Variants in MSANTD3 observed in about 807,000 individuals in gnomAD.
MSANTD3 encodes myb/SANT-like DNA-binding domain-containing protein 3.
In MSANTD3, 11 loss-of-function variants were observed where a neutral mutation model predicts 27.7. The ratio of observed to expected loss-of-function variants is 0.40; its 90% confidence interval spans 0.25 to 0.66. The LOEUF is 0.66. Among genes scored for constraint, MSANTD3 ranks in the 30% least tolerant of loss-of-function variants. The pLI is 0.41. For missense variants in MSANTD3, 250 were observed against 336.5 expected (o/e 0.74, Z 2.01); for synonymous variants, 131 against 127.2 (o/e 1.03, Z -0.20).
chr9:100,432,990 G>A (rs1428732700), intron 1 of MSANTD3, among the ~76,000 whole-genome samples: 2 of 152,222 alleles, frequency 1.3e-5, no homozygotes, highest in East Asian at 1.9e-4. Flanking sequence ...TAAAGAAGAC[G>A]TGCCAAGACA....
intron 1 of MSANTD3, among the ~76,000 whole-genome samples, chr9:100,435,526 A>G (rs1463879696): frequency 6.6e-6 from 1 of 152,210 alleles, no homozygotes; most frequent in Non-Finnish European, 1.5e-5. Context: ...ATAAAATACC[A>G]CAGATTGTGT....
chr9:100,449,519 G>A (rs1240784801), intron 2 of MSANTD3, among the ~76,000 whole-genome samples: 1 of 152,140 alleles, frequency 6.6e-6, no homozygotes, highest in African/African-American at 2.4e-5. Flanking sequence ...AGGAGTTGGG[G>A]TGAGGTTAAA....
intron 2 of MSANTD3, among the ~76,000 whole-genome samples, chr9:100,442,725 CTT>C (rs1836657678): frequency 1.3e-5 from 2 of 149,740 alleles, no homozygotes; most frequent in Admixed American, 6.7e-5. Flanking sequence ...TGGAGGATAA[CTT>C]GAGCCCAGGA....
chr9:100,428,567 G>A (rs528103683), intron 1 of MSANTD3, among the ~76,000 whole-genome samples: 3 of 152,180 alleles, frequency 2.0e-5, no homozygotes, highest in African/African-American at 4.8e-5. Context: ...CATCCCTCCC[G>A]TAGAGACCCG....
intron 2 of MSANTD3, among the ~76,000 whole-genome samples, chr9:100,447,254 A>C (rs1836776509): frequency 6.6e-6 from 1 of 152,156 alleles, no homozygotes; most frequent in Admixed American, 6.5e-5. Context: ...TCCCATCTGA[A>C]CAGTAGTTTC....
intron 1 of MSANTD3, among the ~76,000 whole-genome samples, chr9:100,431,710 G>A (rs1189932064): frequency 6.6e-6 from 1 of 152,170 alleles, no homozygotes; most frequent in Admixed American, 6.5e-5. Context: ...GTCAGATAGG[G>A]AGAGCCTTCA....
At chr9:100,433,978 CT>C (rs992939577) in intron 1 of MSANTD3, among the ~76,000 whole-genome samples, 2 of 152,146 alleles carry the variant, frequency 1.3e-5, no homozygotes, top group African/African-American at 4.8e-5. Context: ...TGTCCCTAGG[CT>C]CATCTCTGTC....
chr9:100,448,355 A>G (rs1836807455), intron 2 of MSANTD3: 1 of 985,264 alleles, frequency 1.0e-6, no homozygotes, highest in African/African-American at 1.7e-5. Flanking sequence ...AAAATGTCTA[A>G]TGTGTCCAGT....
Position 100,451,537 on chromosome 9 carries a change from A to C in MSANTD3, c.*571A>C, listed in dbSNP as rs1440068687. The stretch of plus-strand genomic sequence containing the variant: ...GGATTTTCTGTTTTTAAACAGCCCA[A>C]AGTTTAGAAGGGTATTTTCTAATGT... On this transcript the variant is annotated 3_prime_UTR_variant, in exon 3 of 3. Coordinates refer to ENST00000395067, the MANE Select transcript of MSANTD3 (RefSeq NM_080655.3). 6.6e-6 allele frequency: 1 copy of C among 151,254 alleles called. No individual in the cohort carries two copies. Among genetic ancestry groups the C allele is most frequent in the Non-Finnish European group, 1.5e-5 (1 of 67,778 alleles). 9.4% of individuals were successfully genotyped at this position (151,254 alleles called of 1,614,324 possible). A position where few individuals can be genotyped will look rare whatever the true frequency, so the allele number is the denominator to read the frequency against.
In MSANTD3 at chr9:100,451,020, A is replaced by C. The variant is rs1370809621; in HGVS notation, c.*54A>C. On this transcript the variant is annotated 3_prime_UTR_variant, in exon 3 of 3. Transcript: ENST00000395067. ...ATCTGTGTTGGCAAAGAATGTCTGG[A>C]ACATGGACTTGGCGGTCAGTAACCT... 1 of 1,510,396 alleles carries C rather than the reference A, an allele frequency of 6.6e-7. No homozygotes were observed. Among genetic ancestry groups the C allele is most frequent in the Non-Finnish European group, 8.9e-7 (1 of 1,129,164 alleles). 93.6% of individuals were successfully genotyped at this position (1,510,396 alleles called of 1,614,324 possible). A position where few individuals can be genotyped will look rare whatever the true frequency, so the allele number is the denominator to read the frequency against.
chr9:100,431,159 T>C (rs1399635041), intron 1 of MSANTD3, among the ~76,000 whole-genome samples: 1 of 151,966 alleles, frequency 6.6e-6, no homozygotes, highest in Admixed American at 6.6e-5. Flanking sequence ...TGCACCATGA[T>C]ACCTGGCTAA....
intron 2 of MSANTD3, among the ~76,000 whole-genome samples, chr9:100,443,514 A>T (rs1469191401): frequency 1.3e-5 from 2 of 152,200 alleles, no homozygotes; most frequent in South Asian, 2.1e-4. Context: ...CCATTATACT[A>T]TTGTGATCCA....
At chr9:100,439,086 G>A (rs770032799) in intron 1 of MSANTD3, among the ~76,000 whole-genome samples, 6 of 152,072 alleles carry the variant, frequency 3.9e-5, no homozygotes, top group Admixed American at 1.3e-4. Flanking sequence ...TTGGAGATAC[G>A]GATTACCCTC....
At chr9:100,439,676 AT>A (rs35738277) in intron 1 of MSANTD3, among the ~76,000 whole-genome samples, 2,580 of 136,868 alleles carry the variant, frequency 0.019, 28 homozygotes, top group African/African-American at 0.046. Flanking sequence ...CTCCCAGCTA[AT>A]TTTTTTTTTT....
Position 100,442,289 on chromosome 9 carries a change from G to A in MSANTD3, c.351G>A (p.Glu117=), listed in dbSNP as rs1836644794. The A allele has an allele frequency of 6.2e-7, 1 of 1,614,022 alleles. No homozygotes were observed. The highest frequency in any genetic ancestry group is 1.3e-5 in the African/African-American group (1 of 74,924). The part of the protein sequence containing the change: ...GKEKIASMLP[E]QLYFLQSPPE... The stretch of plus-strand genomic sequence containing the variant: ...AGAAGATCGCCAGCATGCTGCCGGA[G>A]CAGCTCTACTTCCTGCAGAGCCCCC... Residue 117 remains glutamate, a synonymous_variant, in exon 2 of 3, where the codon GAG becomes GAA. Coordinates refer to ENST00000395067, the MANE Select transcript of MSANTD3 (RefSeq NM_080655.3).
chr9:100,442,360 T>A lies in MSANTD3; in HGVS notation c.418+4T>A. 1.2e-6 allele frequency: 2 copies of A among 1,606,296 alleles called. No individual in the cohort carries two copies. The highest frequency in any genetic ancestry group is 2.7e-5 in the African/African-American group (2 of 74,874). ...CACCCCGACGCCTCAGCCCAAGGTA[T>A]CCGTTCCTGATGCCAGTGTGCACGC... is the stretch of plus-strand genomic sequence containing the variant. On this transcript the variant is annotated splice_donor_region_variant and intron_variant, in intron 2 of 2. Coordinates refer to ENST00000395067, the MANE Select transcript of MSANTD3 (RefSeq NM_080655.3).
At chr9:100,429,800 T>A (rs964324077) in intron 1 of MSANTD3, 1 of 152,146 alleles carries the variant, frequency 6.6e-6, no homozygotes, top group African/African-American at 2.4e-5. Context: ...CCTCTTGGGT[T>A]CAAGCGATTC....
intron 1 of MSANTD3, 74 bp downstream of exon 1, chr9:100,427,467 G>A (rs1836271735): frequency 6.7e-6 from 1 of 150,112 alleles, no homozygotes; most frequent in African/African-American, 2.4e-5. Context: ...GGGCGTAGAG[G>A]GGGCCGGGGG....
At chr9:100,435,634 G>A (rs894540213) in intron 1 of MSANTD3, among the ~76,000 whole-genome samples, 5 of 152,206 alleles carry the variant, frequency 3.3e-5, no homozygotes, top group Non-Finnish European at 7.3e-5. Flanking sequence ...GATCTCTTCT[G>A]TTGGCTTGTA....
Sources: allele counts gnomAD v4.1 joint callset (sites outside exome capture counted in the v4.1 genomes callset), GRCh38; gene constraint gnomAD v4.1.1; transcripts MANE v1.5; gene names NCBI Gene and HGNC (gene_info 2026-07-23, HGNC 2026-07-21).